Variants in RIMBP2 observed in about 807,000 individuals in gnomAD.
RIMBP2 encodes RIMS-binding protein 2.
RIMBP2 carries 48 observed loss-of-function variants against 118.6 expected under a neutral mutation model. The observed-to-expected ratio is 0.40, with a 90% confidence interval of 0.32 to 0.51. RIMBP2 has a LOEUF of 0.51. Among genes scored for constraint, RIMBP2 ranks in the 20% least tolerant of loss-of-function variants. RIMBP2 has a pLI of 0.41. For missense variants in RIMBP2, 1,551 were observed against 1,768.3 expected, an observed-to-expected ratio of 0.88 and a Z score of 2.20; for synonymous variants, 762 against 742.9, an observed-to-expected ratio of 1.03 and a Z score of -0.42.
chr12:130,414,342 TG>T, intron 17 of RIMBP2, 36 bp from the exon 18 acceptor site: 1 of 1,530,308 alleles, frequency 6.5e-7, no homozygotes, highest in Non-Finnish European at 8.8e-7. Flanking sequence ...AGAGCGGCAG[TG>T]AGCCTAACTG....
chr12:130,443,367 G>T (rs2078287482), intron 10 of RIMBP2, among the ~76,000 whole-genome samples: 1 of 152,156 alleles, frequency 6.6e-6, no homozygotes, highest in Non-Finnish European at 1.5e-5. Flanking sequence ...TCACAAGGCT[G>T]CTAACAGCAG....
chr12:130,538,549 C>G (rs1468559186), intron 2 of RIMBP2, among the ~76,000 whole-genome samples: 2 of 152,204 alleles, frequency 1.3e-5, no homozygotes, highest in Non-Finnish European at 2.9e-5. Flanking sequence ...TACATTAATT[C>G]ACACCGTCAA....
At chr12:130,416,401 A>G (rs1232593098) in intron 17 of RIMBP2, among the ~76,000 whole-genome samples, 1 of 152,220 alleles carries the variant, frequency 6.6e-6, no homozygotes, top group Admixed American at 6.5e-5. Flanking sequence ...AACAGAATAG[A>G]GAACCAGAAA....
chr12:130,459,473 A>G (rs533514779), intron 6 of RIMBP2, among the ~76,000 whole-genome samples: 1 of 152,232 alleles, frequency 6.6e-6, no homozygotes, highest in South Asian at 2.1e-4. Flanking sequence ...AATTCCCGTG[A>G]CCCTAAAATT....
chr12:130,486,067 A>G (rs1371159030), intron 4 of RIMBP2, among the ~76,000 whole-genome samples: 4 of 152,104 alleles, frequency 2.6e-5, no homozygotes, highest in Admixed American at 6.5e-5. Flanking sequence ...CAAAGCCCTC[A>G]TCCCCCTCCA....
rs2077142568 is a variant in RIMBP2 at position 130,431,396 on chromosome 12, A to C, written c.2254-3059T>G. 2.6e-6 allele frequency: 1 copy of C among 387,574 alleles called. No homozygotes were observed. Among genetic ancestry groups the C allele is most frequent in the South Asian group, 2.0e-5 (1 of 51,192 alleles). The allele number at this position is 387,574 out of a possible 1,614,324, so 24.0% of individuals were successfully genotyped here. A position where few individuals can be genotyped will look rare whatever the true frequency, so the allele number is the denominator to read the frequency against. On this transcript the variant is annotated intron_variant, in intron 14 of 22. Coordinates refer to ENST00000690449, the MANE Select transcript of RIMBP2 (RefSeq NM_001393629.1). This position sits in a 1 kb window ranked among gnomAD's most constrained non-coding sequence, Gnocchi z 4.0. ...AACTGGCAGTCTGTGCACCAGCTCA[A>C]CTTCAGTCACTCCCTACCACTGTCA... is the stretch of plus-strand genomic sequence containing the variant.
chr12:130,530,253 A>G (rs2053227810), intron 2 of RIMBP2, among the ~76,000 whole-genome samples: 1 of 152,176 alleles, frequency 6.6e-6, no homozygotes, highest in Admixed American at 6.5e-5. Context: ...TATGTTCAAT[A>G]TGGCTCCTTC....
chr12:130,401,385 G>T (rs528287523), intron 21 of RIMBP2, among the ~76,000 whole-genome samples: 1 of 152,168 alleles, frequency 6.6e-6, no homozygotes, highest in South Asian at 2.1e-4. Context: ...CAAAGTGCTG[G>T]GATTACAGGC....
At chr12:130,653,522 G>C (rs2063309682) in intron 1 of RIMBP2, among the ~76,000 whole-genome samples, 1 of 152,186 alleles carries the variant, frequency 6.6e-6, no homozygotes, top group Non-Finnish European at 1.5e-5. Context: ...GCAAGCTGTT[G>C]GTGGATCTAC....
rs1030655412 is a variant in RIMBP2 at position 130,427,992 on chromosome 12, G to C, written c.2412+187C>G. 7 of 555,796 alleles carry C rather than the reference G, an allele frequency of 1.3e-5. No homozygotes were observed. In the South Asian group the frequency reaches 2.2e-4, roughly 18 times the overall value. The allele number at this position is 555,796 out of a possible 1,614,324, so 34.4% of individuals were successfully genotyped here. ...CTTTACCCAGACCTTTTGGCCAAGA[G>C]CAAGACAGGAGTGTAGGTAATTCCC... On this transcript the variant is annotated intron_variant, in intron 15 of 22. Transcript: ENST00000690449.
intron 4 of RIMBP2, among the ~76,000 whole-genome samples, chr12:130,484,144 A>T (rs994988951): frequency 1.3e-5 from 2 of 152,144 alleles, no homozygotes; most frequent in African/African-American, 2.4e-5. Flanking sequence ...TGCCCCCCGA[A>T]GTGGACCCCT....
At chr12:130,607,627 G>A (rs1194081246) in intron 2 of RIMBP2, among the ~76,000 whole-genome samples, 1 of 151,880 alleles carries the variant, frequency 6.6e-6, no homozygotes, top group East Asian at 1.9e-4. Flanking sequence ...ACCGGCGACT[G>A]TTTCTCCACA....
At chr12:130,506,101 G>A (rs1566162869) in intron 4 of RIMBP2, among the ~76,000 whole-genome samples, 1 of 151,682 alleles carries the variant, frequency 6.6e-6, no homozygotes, top group Non-Finnish European at 1.5e-5. Context: ...TTAACACTTG[G>A]TGAAAAAATT....
rs534009039 is a variant in RIMBP2, at chr12:130,404,194, G to T, written c.3765+1978C>A. 3.9e-5 allele frequency among the ~76,000 whole-genome samples: 6 copies of T among 152,262 alleles called. No homozygotes were observed. In the South Asian group the frequency reaches 6.2e-4, roughly 16 times the overall value. ...AATGCATTCAGAAAAATGATTTGTG[G>T]GGGACATGTACACACACACACACTT... is the stretch of plus-strand genomic sequence containing the variant. On this transcript the variant is annotated intron_variant, in intron 21 of 22. Transcript: ENST00000690449.
chr12:130,567,537 G>A (rs986648092), intron 2 of RIMBP2, among the ~76,000 whole-genome samples: 2 of 152,204 alleles, frequency 1.3e-5, no homozygotes, highest in East Asian at 1.9e-4. Context: ...CAGAACGGGG[G>A]AGAGGGAGGA....
chr12:130,693,253 A>T (rs2065415682), intron 1 of RIMBP2, among the ~76,000 whole-genome samples: 4 of 152,210 alleles, frequency 2.6e-5, no homozygotes, highest in African/African-American at 7.2e-5. Flanking sequence ...ATTGAAAGAA[A>T]GAATGAATGA....
intron 2 of RIMBP2, among the ~76,000 whole-genome samples, chr12:130,616,999 C>A (rs1005416739): frequency 1.3e-5 from 2 of 152,044 alleles, no homozygotes; most frequent in Non-Finnish European, 2.9e-5. Context: ...GGTGCAGGGG[C>A]CCCCCTCCTC....
chr12:130,679,696 C>T (rs2064679999), intron 1 of RIMBP2, among the ~76,000 whole-genome samples: 1 of 152,232 alleles, frequency 6.6e-6, no homozygotes, highest in Non-Finnish European at 1.5e-5. Flanking sequence ...TACAAAAATA[C>T]TTCACCCTCC....
chr12:130,553,327 C>T (rs549000961), intron 2 of RIMBP2, among the ~76,000 whole-genome samples: 1 of 152,244 alleles, frequency 6.6e-6, no homozygotes, highest in African/African-American at 2.4e-5. Context: ...CCTCTTTCTG[C>T]CAGCTGCTGT....
Sources: allele counts gnomAD v4.1 joint callset (sites outside exome capture counted in the v4.1 genomes callset), GRCh38; gene constraint gnomAD v4.1.1; non-coding constraint Gnocchi (gnomAD v3.1); transcripts MANE v1.5; gene names NCBI Gene and HGNC (gene_info 2026-07-23, HGNC 2026-07-21).